Variants in ATP2C1 observed in about 807,000 individuals in gnomAD.
The protein encoded by ATP2C1 is ATPase secretory pathway Ca2+ transporting 1.
In ATP2C1, 31 loss-of-function variants were observed where a neutral mutation model predicts 120.5. The ratio of observed to expected loss-of-function variants is 0.26; its 90% CI spans 0.19 to 0.35. The LOEUF is 0.35. Ranked by LOEUF, ATP2C1 falls within the 10% of genes least tolerant of loss-of-function variation. The pLI is 1.00. For missense variants in ATP2C1, 731 were observed against 1,107.5 expected (o/e 0.66, Z 4.83); for synonymous variants, 351 against 358.7 (o/e 0.98, Z 0.24).
At position 131,002,095 on chromosome 3, in the gene ATP2C1, C is replaced by T. The variant is rs1288374085; in HGVS notation, c.*745C>T. 1 of 985,272 alleles carries T rather than the reference C, an allele frequency of 1.0e-6. No individual in the cohort carries two copies. Among genetic ancestry groups the T allele is most frequent in the African/African-American group, 1.7e-5 (1 of 57,166 alleles). The allele number at this position is 985,272 out of a possible 1,614,324, so 61.0% of individuals were successfully genotyped here. ...AAGTGGTGTTCTAGGGTAACAGTGTCCATAATTAACGCTTAGTCATAGAGT... is the reference window on the plus strand; with the variant it reads ...AAGTGGTGTTCTAGGGTAACAGTGTTCATAATTAACGCTTAGTCATAGAGT... On this transcript the variant is annotated 3_prime_UTR_variant, in exon 28 of 28. Coordinates refer to ENST00000510168, the MANE Select transcript of ATP2C1 (RefSeq NM_001378687.1).
chr3:130,906,780 T>C (rs1250998192), intron 2 of ATP2C1, among the ~76,000 whole-genome samples: 2 of 151,912 alleles, frequency 1.3e-5, no homozygotes, highest in Non-Finnish European at 2.9e-5. Context: ...AAGGATCTTT[T>C]GCATGGATTC....
In ATP2C1 at chr3:130,963,962, T is replaced by C. The variant is rs1254054882; in HGVS notation, c.900-9T>C. ...CTACATTTTAATACTTTGTATATGT[T>C]GGTTATAGTTTGGCTGTAGCAGCAA... On this transcript the variant is annotated splice_polypyrimidine_tract_variant and intron_variant, in intron 12 of 27. Coordinates refer to ENST00000510168, the MANE Select transcript of ATP2C1 (RefSeq NM_001378687.1). 6.2e-7 allele frequency: 1 copy of C among 1,612,432 alleles called. No individual in the cohort carries two copies. The highest frequency in any genetic ancestry group is 1.7e-5 in the Admixed American group (1 of 59,950).
At chr3:130,912,816 C>T (rs375075244) in intron 2 of ATP2C1, among the ~76,000 whole-genome samples, 15 of 151,796 alleles carry the variant, frequency 9.9e-5, no homozygotes, top group Middle Eastern at 3.2e-3. Context: ...ATGTTTATTG[C>T]GGCATTATTC....
intron 20 of ATP2C1, among the ~76,000 whole-genome samples, chr3:130,988,265 T>C (rs2062120371): frequency 6.6e-6 from 1 of 152,200 alleles, no homozygotes; most frequent in Non-Finnish European, 1.5e-5. Flanking sequence ...CTTTCTTTTT[T>C]TTTGTAACTT....
intron 1 of ATP2C1, chr3:130,851,034 C>T (rs1210600636): frequency 3.9e-5 from 21 of 544,476 alleles, no homozygotes; most frequent in Non-Finnish European, 5.9e-5. Context: ...TTTATAGGTA[C>T]AGGTCAGATC....
chr3:130,945,479 A>G (rs1181406557), intron 8 of ATP2C1, among the ~76,000 whole-genome samples: 1 of 25,826 alleles, frequency 3.9e-5, no homozygotes, highest in African/African-American at 1.2e-4. Flanking sequence ...CTTGTCATTT[A>G]CATTAGATAA....
chr3:130,933,610 A>G (rs2059545011), intron 4 of ATP2C1, among the ~76,000 whole-genome samples: 1 of 152,316 alleles, frequency 6.6e-6, no homozygotes, highest in African/African-American at 2.4e-5. Context: ...TTGCAGTTGC[A>G]GTGTTATTTT....
chr3:130,855,415 G>A (rs1362600033), intron 1 of ATP2C1, among the ~76,000 whole-genome samples: 7 of 152,140 alleles, frequency 4.6e-5, no homozygotes, highest in Admixed American at 6.5e-5. Context: ...GAGGGTTCAC[G>A]GGGCTGAGGT....
chr3:130,975,233 C>T lies in ATP2C1; in HGVS notation c.1414-99C>T. ...AAAACCTTAGGCTTGAGTAACTTCTCTGGGAATTATGAGAAATGAATGCCA... is the reference window on the plus strand; with the variant it reads ...AAAACCTTAGGCTTGAGTAACTTCTTTGGGAATTATGAGAAATGAATGCCA... On this transcript the variant is annotated intron_variant, in intron 17 of 27. Transcript: ENST00000510168. 4 of 1,232,896 alleles carry T rather than the reference C, an allele frequency of 3.2e-6. No homozygotes were observed. The South Asian group carries it at 4.9e-5, about 15-fold the overall frequency. The allele number at this position is 1,232,896 out of a possible 1,614,324, so 76.4% of individuals were successfully genotyped here.
intron 10 of ATP2C1, 181 bp from the exon 11 acceptor site, chr3:130,955,923 C>T: frequency 1.8e-6 from 1 of 568,728 alleles, no homozygotes; most frequent in Non-Finnish European, 3.2e-6. Context: ...CACTGTGTGA[C>T]CTTGGGCATT....
intron 12 of ATP2C1, 174 bp from the exon 13 acceptor site, chr3:130,963,797 C>A: frequency 1.4e-6 from 1 of 694,726 alleles, no homozygotes; most frequent in Non-Finnish European, 2.4e-6. Context: ...CTTAACCTGG[C>A]AGCTACTAGG....
intron 5 of ATP2C1, among the ~76,000 whole-genome samples, chr3:130,936,857 A>G (rs2059696423): frequency 6.6e-6 from 1 of 151,436 alleles, no homozygotes; most frequent in Non-Finnish European, 1.5e-5. Context: ...AAAAAAATAA[A>G]AAAGAAAAAA....
intron 26 of ATP2C1, among the ~76,000 whole-genome samples, chr3:131,010,833 G>A (rs1027503572): frequency 2.6e-5 from 4 of 152,086 alleles, no homozygotes; most frequent in Admixed American, 1.3e-4. Flanking sequence ...CTGGTCTCAC[G>A]TTGTCTTAAT....
intron 18 of ATP2C1, 49 bp downstream of exon 18, chr3:130,975,537 T>G (rs1440455229): frequency 6.3e-7 from 1 of 1,582,324 alleles, no homozygotes. Flanking sequence ...TAGAGCCTTC[T>G]TTTAATTGCA....
At chr3:130,898,662 C>G (rs2069860290) in intron 2 of ATP2C1, among the ~76,000 whole-genome samples, 1 of 152,064 alleles carries the variant, frequency 6.6e-6, no homozygotes, top group African/African-American at 2.4e-5. Context: ...AGTTGGATTC[C>G]AAATACTTGA....
chr3:130,932,822 G>A (rs1487061084), intron 4 of ATP2C1, among the ~76,000 whole-genome samples: 2 of 152,050 alleles, frequency 1.3e-5, no homozygotes, highest in African/African-American at 4.8e-5. Context: ...TTAACCTGCG[G>A]TCTTTCTAAA....
At chr3:130,930,571 G>A in intron 3 of ATP2C1, 45 bp downstream of exon 3, 1 of 1,208,122 alleles carries the variant, frequency 8.3e-7, no homozygotes, top group Middle Eastern at 1.9e-4. Context: ...TGTAAAGTCA[G>A]TCACTTAGAC....
At chr3:130,917,923 C>T (rs2058755956) in intron 2 of ATP2C1, among the ~76,000 whole-genome samples, 1 of 150,562 alleles carries the variant, frequency 6.6e-6, no homozygotes, top group African/African-American at 2.4e-5. Flanking sequence ...GCTTATTTCA[C>T]TTAGCATGGT....
chr3:130,929,076 A>G (rs852222), intron 2 of ATP2C1, among the ~76,000 whole-genome samples: 70,880 of 151,992 alleles, frequency 0.47, 18,846 homozygotes, highest in Middle Eastern at 0.64. Context: ...TACATTTCTT[A>G]ATTATGTAAA....
Sources: gnomAD v4.1 joint callset for allele counts (sites outside exome capture counted in the v4.1 genomes callset) on GRCh38, gnomAD v4.1.1 for gene constraint, MANE v1.5 for transcripts, NCBI Gene and HGNC (gene_info 2026-07-23, HGNC 2026-07-21) for gene names.